GPR155: variants seen among roughly 807,000 people sequenced by gnomAD.
The protein encoded by GPR155 is lysosomal cholesterol signaling protein.
In GPR155, 65 loss-of-function variants were observed where a neutral mutation model predicts 93.1. The ratio of observed to expected loss-of-function variants is 0.70; its 90% confidence interval spans 0.57 to 0.86. The LOEUF is 0.86. Ranked by LOEUF, GPR155 falls within the 40% of genes least tolerant of loss-of-function variation. The probability of loss-of-function intolerance (pLI) is 0.00; values close to 1 mark genes in which losing one functional copy is unlikely to be tolerated. For synonymous variants in GPR155, 319 were observed against 360.1 expected, an observed-to-expected ratio of 0.89 and a Z score of 1.29; for missense variants, 838 against 1,034.8, an observed-to-expected ratio of 0.81 and a Z score of 2.61.
intron 11 of GPR155, 151 bp from the exon 12 acceptor site, chr2:174,446,898 T>C: frequency 1.4e-6 from 1 of 704,930 alleles, no homozygotes; most frequent in Non-Finnish European, 2.4e-6. Flanking sequence ...GAAAGCTCCT[T>C]CATGTTGCTT....
At chr2:174,463,884 A>C (rs1687768816) in intron 7 of GPR155, among the ~76,000 whole-genome samples, 1 of 152,242 alleles carries the variant, frequency 6.6e-6, no homozygotes, top group African/African-American at 2.4e-5. Flanking sequence ...GCTAGATTTA[A>C]TATAAATTGA....
chr2:174,463,420 C>T (rs1687756559), intron 7 of GPR155, among the ~76,000 whole-genome samples: 1 of 152,088 alleles, frequency 6.6e-6, no homozygotes, highest in African/African-American at 2.4e-5. Flanking sequence ...AGGCTAGTCT[C>T]GAACTACTGG....
rs757935998 is a variant in GPR155 at position 174,436,452 on chromosome 2, A to C, written c.2313-36T>G. On this transcript the variant is annotated intron_variant, in intron 15 of 15. Coordinates refer to ENST00000392552, the MANE Select transcript of GPR155 (RefSeq NM_152529.7). ...GGAATGATTCACCCATATTTTCTGT[A>C]AATCTGGTATCAGCACTGCATGATA... The C allele has an allele frequency of 5.0e-6, 8 of 1,601,278 alleles. No individual in the cohort carries two copies. The South Asian group carries it at 7.7e-5, about 16-fold the overall frequency.
intron 3 of GPR155, 54 bp from the exon 4 acceptor site, chr2:174,470,609 A>G (rs966851889): frequency 5.4e-5 from 82 of 1,528,716 alleles, no homozygotes; most frequent in Non-Finnish European, 7.0e-5. Context: ...GGTTGTCCCC[A>G]GTAGCAGGCT....
chr2:174,468,068 A>C (rs1393169462), intron 5 of GPR155, among the ~76,000 whole-genome samples: 2 of 152,154 alleles, frequency 1.3e-5, no homozygotes, highest in Non-Finnish European at 2.9e-5. Flanking sequence ...TTGGGTTTCC[A>C]TTCTACCTAC....
At chr2:174,469,183 AT>A (rs1199569472) in intron 4 of GPR155, 116 bp from the exon 5 acceptor site, 9 of 815,980 alleles carry the variant, frequency 1.1e-5, no homozygotes, top group Non-Finnish European at 1.5e-5. Flanking sequence ...CAGTAAAGAC[AT>A]TATAAAATCC....
rs558004780 is a variant in GPR155 at position 174,436,022 on chromosome 2, G to T, written c.*94C>A. ...GAAGAGACAACTGAGGCTCAGAGAG[G>T]TTGCCTCTGTTAACTTGCCCAAGGT... is the stretch of plus-strand genomic sequence containing the variant. On this transcript the variant is annotated 3_prime_UTR_variant, in exon 16 of 16. Coordinates refer to ENST00000392552, the MANE Select transcript of GPR155 (RefSeq NM_152529.7). 2 of 925,736 alleles carry T rather than the reference G, an allele frequency of 2.2e-6. No homozygotes were observed. Among genetic ancestry groups the T allele is most frequent in the Non-Finnish European group, 3.4e-6 (2 of 589,606 alleles). 57.3% of individuals were successfully genotyped at this position (925,736 alleles called of 1,614,324 possible).
chr2:174,447,281 G>A (rs912739551), intron 11 of GPR155, among the ~76,000 whole-genome samples: 1 of 149,366 alleles, frequency 6.7e-6, no homozygotes, highest in African/African-American at 2.5e-5. Context: ...AGGTTGTGGT[G>A]AGCCAAGACT....
rs1229433457 is a variant in GPR155 at position 174,439,879 on chromosome 2, G to A, written c.2312+19C>T. 6.2e-7 allele frequency: 1 copy of A among 1,603,176 alleles called. No individual in the cohort carries two copies. Among genetic ancestry groups the A allele is most frequent in the Non-Finnish European group, 8.5e-7 (1 of 1,170,904 alleles). On this transcript the variant is annotated intron_variant, in intron 15 of 15. Coordinates refer to ENST00000392552, the MANE Select transcript of GPR155 (RefSeq NM_152529.7). ...TTTAAAATATAATTGTCTAGAACCTGTACTGGCACTTTGCTTACCTTCTTT... is the reference window on the plus strand; with the variant it reads ...TTTAAAATATAATTGTCTAGAACCTATACTGGCACTTTGCTTACCTTCTTT...
chr2:174,432,663 A>C lies in GPR155; in HGVS notation c.*3453T>G, dbSNP rs2105649225. 1 of 152,218 alleles carries C rather than the reference A, an allele frequency of 6.6e-6. No individual in the cohort carries two copies. The highest frequency in any genetic ancestry group is 6.5e-5 in the Admixed American group (1 of 15,280). 9.4% of individuals were successfully genotyped at this position (152,218 alleles called of 1,614,324 possible). A position where few individuals can be genotyped will look rare whatever the true frequency, so the allele number is the denominator to read the frequency against. On this transcript the variant is annotated 3_prime_UTR_variant, in exon 16 of 16. Coordinates refer to ENST00000392552, the MANE Select transcript of GPR155 (RefSeq NM_152529.7). ...CAGCAAGACAATTCAGCTTAAAAAC[A>C]TCCCCATTCCCTAATCACAACTTAA...
intron 7 of GPR155, among the ~76,000 whole-genome samples, chr2:174,463,188 G>A (rs1687750273): frequency 6.7e-6 from 1 of 149,338 alleles, no homozygotes; most frequent in Non-Finnish European, 1.5e-5. Flanking sequence ...GCAGTCTCAT[G>A]ATTTCAGAAT....
chr2:174,468,432 C>A (rs1361435776), intron 5 of GPR155, among the ~76,000 whole-genome samples: 2 of 152,164 alleles, frequency 1.3e-5, no homozygotes, highest in African/African-American at 2.4e-5. Flanking sequence ...CCAAAAGTTT[C>A]ATTAACATTA....
rs34267708 is a variant in GPR155, at chr2:174,433,630, G to GC, written c.*2485dup. 40,257 of 152,010 alleles carry GC rather than the reference G, an allele frequency of 0.26. 6,075 individuals are homozygous for GC. Among genetic ancestry groups the GC allele is most frequent in the Middle Eastern group, 0.54 (160 of 296 alleles). The allele number at this position is 152,010 out of a possible 1,614,324, so 9.4% of individuals were successfully genotyped here. On this transcript the variant is annotated 3_prime_UTR_variant, in exon 16 of 16. Transcript: ENST00000392552. ...GAGGTTATTAGATCATGAGGGTGGA[G>GC]CCTATTGAGTGGAATTAATGTCCTT... is the stretch of plus-strand genomic sequence containing the variant.
At chr2:174,449,230 CAG>C (rs1175663829) in intron 11 of GPR155, among the ~76,000 whole-genome samples, 1 of 152,108 alleles carries the variant, frequency 6.6e-6, no homozygotes, top group Non-Finnish European at 1.5e-5. Flanking sequence ...CAATAAACAA[CAG>C]ATGCTGGTGA....
At position 174,433,458 on chromosome 2, in the gene GPR155, A is replaced by G. The variant is rs1021800810; in HGVS notation, c.*2658T>C. 4 of 152,222 alleles carry G rather than the reference A, an allele frequency of 2.6e-5. No individual in the cohort carries two copies. Among genetic ancestry groups the G allele is most frequent in the Non-Finnish European group, 5.9e-5 (4 of 68,040 alleles). The allele number at this position is 152,222 out of a possible 1,614,324, so 9.4% of individuals were successfully genotyped here. On this transcript the variant is annotated 3_prime_UTR_variant, in exon 16 of 16. Transcript: ENST00000392552. The stretch of plus-strand genomic sequence containing the variant: ...GCTCAGTGTTCAGATTGTGTCTGGA[A>G]CATGCTAGATGCTCGATAAGTTATT...
At chr2:174,477,736 T>C (rs1162552738) in intron 2 of GPR155, among the ~76,000 whole-genome samples, 1 of 152,192 alleles carries the variant, frequency 6.6e-6, no homozygotes, top group African/African-American at 2.4e-5. Flanking sequence ...TAACTAAAAT[T>C]AGGTTTACAA....
At chr2:174,442,095 G>T in intron 14 of GPR155, 24 bp downstream of exon 14, 1 of 1,111,408 alleles carries the variant, frequency 9.0e-7, no homozygotes, top group South Asian at 1.2e-5. Flanking sequence ...TACAGATACA[G>T]ATTTATTTCA....
chr2:174,483,184 A>C (rs140446322), intron 1 of GPR155: 20 of 146,012 alleles, frequency 1.4e-4, no homozygotes, highest in Non-Finnish European at 2.7e-4. Context: ...CAGAAAAAAA[A>C]ATTTTTTTTA....
At chr2:174,449,573 A>G (rs1007953119) in intron 11 of GPR155, among the ~76,000 whole-genome samples, 1 of 152,258 alleles carries the variant, frequency 6.6e-6, no homozygotes, top group Non-Finnish European at 1.5e-5. Context: ...GGCCAGGCAC[A>G]GTGGCTCATG....
Sources: gnomAD v4.1 joint callset for allele counts (sites outside exome capture counted in the v4.1 genomes callset) on GRCh38, gnomAD v4.1.1 for gene constraint, MANE v1.5 for transcripts, NCBI Gene and HGNC (gene_info 2026-07-23, HGNC 2026-07-21) for gene names.